Variants in PCDHGB2 observed in about 807,000 individuals in gnomAD.
The protein encoded by PCDHGB2 is protocadherin gamma subfamily B, 2, also known as protocadherin gamma-B2.
A neutral mutation model predicts 59.3 loss-of-function variants in PCDHGB2; 55 were observed. The ratio of observed to expected loss-of-function variants is 0.93; its 90% CI spans 0.75 to 1.16. The LOEUF is 1.16. Ranked by LOEUF, PCDHGB2 falls within the 50% of genes most tolerant of loss-of-function variation. The pLI is 0.00. For missense variants in PCDHGB2, 1,228 were observed against 1,198.5 expected (o/e 1.02, Z -0.36); for synonymous variants, 516 against 512.0 (o/e 1.01, Z -0.11).
intron 1 of PCDHGB2, chr5:141,414,866 C>T: frequency 6.2e-7 from 1 of 1,614,230 alleles, no homozygotes; most frequent in Non-Finnish European, 8.5e-7. Flanking sequence ...GACAATGCGC[C>T]CGAGATCCTG....
intron 1 of PCDHGB2, chr5:141,370,500 G>T (rs781752977): frequency 6.2e-7 from 1 of 1,613,922 alleles, no homozygotes; most frequent in Admixed American, 1.7e-5. Flanking sequence ...GATCCGCTAC[G>T]CTATTCCCGA....
chr5:141,401,370 G>A (rs1226150761), intron 1 of PCDHGB2, among the ~76,000 whole-genome samples: 1 of 152,028 alleles, frequency 6.6e-6, no homozygotes, highest in Non-Finnish European at 1.5e-5. Flanking sequence ...AGGAGAGGAA[G>A]AAGAAGAAAA....
intron 1 of PCDHGB2, chr5:141,423,694 T>C (rs1008861889): frequency 1.3e-6 from 2 of 1,501,552 alleles, no homozygotes; most frequent in Middle Eastern, 1.8e-4. Flanking sequence ...TAATTGTTGG[T>C]GTCTTGGCAC....
At chr5:141,401,667 C>T (rs539975682) in intron 1 of PCDHGB2, among the ~76,000 whole-genome samples, 1 of 152,340 alleles carries the variant, frequency 6.6e-6, no homozygotes, top group South Asian at 2.1e-4. Context: ...GTTTTCTCAA[C>T]ATCCTTGTAG....
At chr5:141,366,899 C>A in intron 1 of PCDHGB2, 1 of 1,196,082 alleles carries the variant, frequency 8.4e-7, no homozygotes, top group Non-Finnish European at 1.1e-6. Flanking sequence ...ATAATTCATG[C>A]TTTCTCCATT....
intron 1 of PCDHGB2, chr5:141,372,658 G>A: frequency 1.9e-6 from 3 of 1,614,020 alleles, no homozygotes; most frequent in African/African-American, 1.3e-5. Context: ...TACAATCCGT[G>A]TGCTGCCTCA....
At chr5:141,403,892 T>C in intron 1 of PCDHGB2, 1 of 1,613,820 alleles carries the variant, frequency 6.2e-7, no homozygotes, top group Non-Finnish European at 8.5e-7. Flanking sequence ...AGAATGTTCA[T>C]TTTATGAAAT....
chr5:141,382,017 C>T (rs1288762588), intron 1 of PCDHGB2, among the ~76,000 whole-genome samples: 2 of 151,562 alleles, frequency 1.3e-5, no homozygotes, highest in African/African-American at 2.4e-5. Flanking sequence ...TTAGTAGAGA[C>T]GGGGTTTCTC....
chr5:141,475,921 A>T, intron 1 of PCDHGB2: 1 of 604,938 alleles, frequency 1.7e-6, no homozygotes, highest in Non-Finnish European at 2.8e-6. Flanking sequence ...AAGACGCTGG[A>T]GATCGGGCCC....
rs1415518653 is a variant in PCDHGB2, at chr5:141,360,929, C to G, written c.794C>G (p.Thr265Arg). ...CCGGGCTTCTTTGTGCTTCAAGTGA[C>G]AGCCACCGACCGGGATGAAGGCATA... ...VPPGFFVLQV[T>R]ATDRDEGINA... The change falls in exon 1 of 4, where the codon ACA becomes AGA. Residue 265 changes from threonine (T) to arginine (R), a missense_variant. By Grantham distance (71) the Thr-to-Arg change is moderately conservative. Coordinates refer to ENST00000522605, the MANE Select transcript of PCDHGB2 (RefSeq NM_018923.3). The G allele has an allele frequency of 8.1e-6, 13 of 1,613,914 alleles. No homozygotes were observed. The highest frequency in any genetic ancestry group is 6.7e-5 in the East Asian group (3 of 44,898).
Position 141,418,518 on chromosome 5 carries a change from C to G in PCDHGB2, c.2421+55962C>G. Reference sequence around the variant, plus strand: ...CTGACCGCCTTAGATGGTGGGGACCCTCCCCGAAGCGGTACTGCTCAGATA... The same window carrying G: ...CTGACCGCCTTAGATGGTGGGGACCGTCCCCGAAGCGGTACTGCTCAGATA... On this transcript the variant is annotated intron_variant, in intron 1 of 3. Coordinates refer to ENST00000522605, the MANE Select transcript of PCDHGB2 (RefSeq NM_018923.3). The G allele has an allele frequency of 2.5e-6, 4 of 1,613,986 alleles. 1 individual carries two copies.
intron 1 of PCDHGB2, chr5:141,371,107 AC>A: frequency 6.2e-7 from 1 of 1,613,650 alleles, no homozygotes; most frequent in Non-Finnish European, 8.5e-7. Context: ...GCAAATGATA[AC>A]CCCCCAGTAT....
intron 1 of PCDHGB2, chr5:141,384,495 G>A (rs187774047): frequency 5.0e-6 from 8 of 1,614,162 alleles, no homozygotes; most frequent in Non-Finnish European, 6.8e-6. Context: ...AACTAAGAGT[G>A]ACTGCACATG....
chr5:141,362,442 C>T lies in PCDHGB2; in HGVS notation c.2307C>T (p.Asn769=), dbSNP rs1762499161. 6.2e-7 allele frequency: 1 copy of T among 1,614,062 alleles called. No homozygotes were observed. The highest frequency in any genetic ancestry group is 1.1e-5 in the South Asian group (1 of 91,086). The change falls in exon 1 of 4, where the codon AAC becomes AAT. Residue 769 remains asparagine, a synonymous_variant. Coordinates refer to ENST00000522605, the MANE Select transcript of PCDHGB2 (RefSeq NM_018923.3). ...CCAAGACAGAGTTCAATTTTCTGAA[C>T]ATAACCCCGGAATTGGTTCCCGCGC... ...QSAKTEFNFL[N]ITPELVPAQD...
At chr5:141,389,466 C>T (rs760000487) in intron 1 of PCDHGB2, 1 of 1,613,330 alleles carries the variant, frequency 6.2e-7, no homozygotes, top group East Asian at 2.2e-5. Flanking sequence ...CGCCTTCGAA[C>T]TCACACTGCA....
chr5:141,505,363 T>A, intron 2 of PCDHGB2, 30 bp from the exon 3 acceptor site: 1 of 1,613,360 alleles, frequency 6.2e-7, no homozygotes, highest in Non-Finnish European at 8.5e-7. Context: ...GGCCTGGGAG[T>A]CTGTGCTCAC....
At position 141,486,804 on chromosome 5, in the gene PCDHGB2, C is replaced by G. The variant is rs755001457; in HGVS notation, c.2422-8003C>G. On this transcript the variant is annotated intron_variant, in intron 1 of 3. Transcript: ENST00000522605. This position sits in a 1 kb window ranked among gnomAD's most constrained non-coding sequence, Gnocchi z 5.0. ...CAGGCCCGGGATCGGGGCAACCCAC[C>G]CCTTAGCAGCACTGTAACAGTTCGT... 2 of 1,614,232 alleles carry G rather than the reference C, an allele frequency of 1.2e-6. No homozygotes were observed. The highest frequency in any genetic ancestry group is 3.3e-5 in the Admixed American group (2 of 60,032).
Position 141,432,563 on chromosome 5 carries a change from G to T in PCDHGB2, c.2422-62244G>T. 2 of 1,613,912 alleles carry T rather than the reference G, an allele frequency of 1.2e-6. No homozygotes were observed. Among genetic ancestry groups the T allele is most frequent in the Non-Finnish European group, 1.7e-6 (2 of 1,179,996 alleles). The stretch of plus-strand genomic sequence containing the variant: ...GGTGGACAGAGACTCCGGCCAGAAC[G>T]CCTGGCTGTCCTACCGTCTGCTCAA... On this transcript the variant is annotated intron_variant, in intron 1 of 3. Transcript: ENST00000522605. The surrounding 1 kb of genome is among the most constrained non-coding windows in gnomAD (Gnocchi z 6.0).
At chr5:141,399,658 T>C (rs766038311) in intron 1 of PCDHGB2, 2 of 1,613,690 alleles carry the variant, frequency 1.2e-6, no homozygotes, top group South Asian at 2.2e-5. Flanking sequence ...TGGGGTGGTG[T>C]TCGCGCAGCG....
Sources: gnomAD v4.1 joint callset for allele counts (sites outside exome capture counted in the v4.1 genomes callset) on GRCh38, gnomAD v4.1.1 for gene constraint, Gnocchi (gnomAD v3.1) non-coding constraint, MANE v1.5 for transcripts, NCBI Gene and HGNC (gene_info 2026-07-23, HGNC 2026-07-21) for gene names.